Variants in PITPNM2 observed in about 807,000 individuals in gnomAD.
PITPNM2 encodes the protein membrane-associated phosphatidylinositol transfer protein 2.
A neutral mutation model predicts 132.2 loss-of-function variants in PITPNM2; 35 were observed. The ratio of observed to expected loss-of-function variants is 0.26; its 90% CI spans 0.20 to 0.35. The LOEUF (loss-of-function observed/expected upper bound fraction) is 0.35. PITPNM2 is among the 10% of genes least tolerant of loss of function. The probability of loss-of-function intolerance (pLI) is 1.00; values close to 1 mark genes in which losing one functional copy is unlikely to be tolerated. For missense variants in PITPNM2, 1,332 were observed against 1,912.0 expected (o/e 0.70, Z 5.66); for synonymous variants, 738 against 799.2 (o/e 0.92, Z 1.29).
At position 123,150,427 on chromosome 12, in the gene PITPNM2, C is replaced by T. The variant is rs2043707853; in HGVS notation, c.-200+326G>A. Among the ~76,000 whole-genome samples, 1 of 151,922 alleles carries T rather than the reference C, an allele frequency of 6.6e-6. No homozygotes were observed. Among genetic ancestry groups the T allele is most frequent in the Admixed American group, 6.5e-5 (1 of 15,284 alleles). On this transcript the variant is annotated intron_variant, in intron 1 of 25. Transcript: ENST00000320201. The surrounding 1 kb of genome is among the most constrained non-coding windows in gnomAD (Gnocchi z 6.0). The stretch of plus-strand genomic sequence containing the variant: ...ACTGCCCACGCCTGCCCCCCGACCG[C>T]TATGACACTTGTCCCTGGCGGGGGT...
At chr12:123,021,153 G>A (rs1412875463) in intron 3 of PITPNM2, among the ~76,000 whole-genome samples, 2 of 151,478 alleles carry the variant, frequency 1.3e-5, no homozygotes, top group Non-Finnish European at 2.9e-5. Flanking sequence ...CCATGCCCCT[G>A]CGCAGCCACC....
chr12:123,015,132 T>C (rs1314340244), intron 3 of PITPNM2, among the ~76,000 whole-genome samples: 2 of 152,212 alleles, frequency 1.3e-5, no homozygotes, highest in African/African-American at 4.8e-5. Context: ...ACAGATATAA[T>C]GCGATCTTTA....
rs377138893 is a variant in PITPNM2, at chr12:122,997,570, G to A, written c.1227C>T (p.Asp409=). Reference sequence around the variant, plus strand: ...GTGCAGCCAGCGGCTGGCTAACCTCGTCCTGCATGGGTTGGGGGACAGTGT... The same window carrying A: ...GTGCAGCCAGCGGCTGGCTAACCTCATCCTGCATGGGTTGGGGGACAGTGT... The part of the protein sequence containing the change: ...SSVEQLNIIE[D]EVSQPLAAPP... The change falls in exon 11 of 26, where the codon GAC becomes GAT. Residue 409 remains aspartate (D), a splice_region_variant and synonymous_variant. Transcript: ENST00000320201. 2.9e-5 allele frequency: 47 copies of A among 1,610,256 alleles called. No individual in the cohort carries two copies. Among genetic ancestry groups the A allele is most frequent in the Admixed American group, 2.2e-4 (13 of 59,966 alleles).
chr12:122,986,684 G>A lies in PITPNM2; in HGVS notation c.3559C>T (p.Arg1187Trp). The part of the protein sequence containing the change: ...FCDGLVHDPL[R>W]HKANFLKLLI... ...AGCTTCAGGAAGTTGGCCTTGTGCC[G>A]CAGCGGGTCATGCACCAGGCCGTCA... Residue 1187 changes from arginine (R) to tryptophan (W), a missense_variant, in exon 24 of 26, where the codon CGG (arginine) becomes TGG (tryptophan). Arg to Trp is a moderately radical substitution (Grantham distance 101). Coordinates refer to ENST00000320201, the MANE Select transcript of PITPNM2 (RefSeq NM_020845.3). The A allele has an allele frequency of 1.2e-6, 2 of 1,613,378 alleles. No homozygotes were observed. The highest frequency in any genetic ancestry group is 1.7e-6 in the Non-Finnish European group (2 of 1,179,950).
At chr12:123,001,960 G>A (rs1471273484) in intron 8 of PITPNM2, among the ~76,000 whole-genome samples, 1 of 151,896 alleles carries the variant, frequency 6.6e-6, no homozygotes, top group Non-Finnish European at 1.5e-5. Flanking sequence ...GAACCTGGGT[G>A]GCGGAGGTTG....
chr12:123,016,438 C>T (rs755928281), intron 3 of PITPNM2, among the ~76,000 whole-genome samples: 8 of 151,660 alleles, frequency 5.3e-5, no homozygotes, highest in Non-Finnish European at 1.0e-4. Flanking sequence ...GCCTCAGCCT[C>T]CCAAATAGCT....
rs2041121110 is a variant in PITPNM2, at chr12:123,058,546, C to G, written c.-95-23861G>C. Reference sequence around the variant, plus strand: ...CACCCACAGCCTCTCCAGGGCCTCTCTCACTCCACCATTCACCTGCTGTTC... The same window carrying G: ...CACCCACAGCCTCTCCAGGGCCTCTGTCACTCCACCATTCACCTGCTGTTC... On this transcript the variant is annotated intron_variant, in intron 2 of 25. Transcript: ENST00000320201. The surrounding 1 kb of genome is among the most constrained non-coding windows in gnomAD (Gnocchi z 4.0). Among the ~76,000 whole-genome samples, 2 of 152,234 alleles carry G rather than the reference C, an allele frequency of 1.3e-5. No homozygotes were observed. The highest frequency in any genetic ancestry group is 4.8e-5 in the African/African-American group (2 of 41,466).
At chr12:123,016,298 C>T (rs1330674559) in intron 3 of PITPNM2, among the ~76,000 whole-genome samples, 2 of 151,156 alleles carry the variant, frequency 1.3e-5, no homozygotes, top group Non-Finnish European at 3.0e-5. Context: ...TGCAGTCCAG[C>T]CTGGGTGACA....
chr12:123,096,458 A>C (rs1167883068), intron 2 of PITPNM2, among the ~76,000 whole-genome samples: 1 of 152,208 alleles, frequency 6.6e-6, no homozygotes, highest in Non-Finnish European at 1.5e-5. Context: ...TGTCTTGGGC[A>C]TGCGTTCTGT....
chr12:122,992,518 A>G lies in PITPNM2; in HGVS notation c.2385T>C (p.Asp795=), dbSNP rs777088301. The change falls in exon 16 of 26, where the codon GAT becomes GAC. Residue 795 remains aspartate, a synonymous_variant. Transcript: ENST00000320201. The surrounding 1 kb of genome is among the most constrained non-coding windows in gnomAD (Gnocchi z 6.5). ...TCTCACCCAGCAGCGTGGAGCAGCC[A>G]TCCCCCAGCGGGTAGCGTTGGTAGC... The part of the protein sequence containing the change: ...VPRYQRYPLG[D]GCSTLLADVL... The G allele has an allele frequency of 6.2e-7, 1 of 1,610,862 alleles. No homozygotes were observed. Among genetic ancestry groups the G allele is most frequent in the Non-Finnish European group, 8.5e-7 (1 of 1,179,446 alleles).
chr12:123,067,657 G>T (rs983419787), intron 2 of PITPNM2, among the ~76,000 whole-genome samples: 2 of 152,232 alleles, frequency 1.3e-5, no homozygotes, highest in African/African-American at 4.8e-5. Flanking sequence ...TTCAGAGGGA[G>T]TGTGGTCCTG....
At chr12:123,137,166 G>A (rs945852520) in intron 1 of PITPNM2, among the ~76,000 whole-genome samples, 4 of 152,182 alleles carry the variant, frequency 2.6e-5, no homozygotes, top group African/African-American at 7.2e-5. Context: ...GAGCACCAAA[G>A]AGGCGGACCA....
At chr12:123,105,064 C>A (rs2042672538) in intron 2 of PITPNM2, among the ~76,000 whole-genome samples, 1 of 152,114 alleles carries the variant, frequency 6.6e-6, no homozygotes, top group Non-Finnish European at 1.5e-5. Context: ...TCACTCACTC[C>A]AGTTTCCTGA....
chr12:123,063,062 G>T (rs189817488), intron 2 of PITPNM2, among the ~76,000 whole-genome samples: 13 of 152,254 alleles, frequency 8.5e-5, no homozygotes, highest in African/African-American at 2.4e-4. Flanking sequence ...GGGCACATAG[G>T]TCCACAAGGA....
chr12:123,009,700 G>A lies in PITPNM2; in HGVS notation c.643+150C>T. The A allele has an allele frequency of 2.8e-6, 2 of 720,474 alleles. No homozygotes were observed. The highest frequency in any genetic ancestry group is 1.7e-5 in the South Asian group (1 of 57,828). The allele number at this position is 720,474 out of a possible 1,614,324, so 44.6% of individuals were successfully genotyped here. A position where few individuals can be genotyped will look rare whatever the true frequency, so the allele number is the denominator to read the frequency against. ...ATGGCTGGCGGGTAGTGGGGAAGCT[G>A]GACATGGGCTTTGGTGTCACCTTCC... is the stretch of plus-strand genomic sequence containing the variant. On this transcript the variant is annotated intron_variant, in intron 6 of 25. Coordinates refer to ENST00000320201, the MANE Select transcript of PITPNM2 (RefSeq NM_020845.3). The surrounding 1 kb of genome is among the most constrained non-coding windows in gnomAD (Gnocchi z 4.8).
At chr12:123,047,795 T>C (rs931558518) in intron 2 of PITPNM2, among the ~76,000 whole-genome samples, 11 of 151,074 alleles carry the variant, frequency 7.3e-5, no homozygotes, top group Non-Finnish European at 1.5e-5. Context: ...GAAACACTAT[T>C]TAGCCTCAAA....
At position 123,005,474 on chromosome 12, in the gene PITPNM2, C is replaced by T; in HGVS notation, c.718G>A (p.Glu240Lys). ...TCCTTCTCCAGCTCCCGGATGTTCT[C>T]CATGCTCAGCCCATACCACTCGTCC... The part of the protein sequence containing the change: ...WQDEWYGLSM[E>K]NIRELEKEAQ... The change falls in exon 7 of 26, where the codon GAG becomes AAG. Residue 240 changes from glutamate to lysine, a missense_variant. Transcript: ENST00000320201. This position sits in a 1 kb window ranked among gnomAD's most constrained non-coding sequence, Gnocchi z 6.2. 1 of 1,614,092 alleles carries T rather than the reference C, an allele frequency of 6.2e-7. No individual in the cohort carries two copies. Among genetic ancestry groups the T allele is most frequent in the South Asian group, 1.1e-5 (1 of 91,082 alleles).
At chr12:122,988,383 A>T in intron 19 of PITPNM2, 33 bp from the exon 20 acceptor site, 2 of 1,584,162 alleles carry the variant, frequency 1.3e-6, no homozygotes, top group Non-Finnish European at 1.7e-6. Context: ...GCTGTGGGGC[A>T]GATGCCACCC....
chr12:123,103,601 G>A (rs1424775508), intron 2 of PITPNM2, among the ~76,000 whole-genome samples: 1 of 152,200 alleles, frequency 6.6e-6, no homozygotes, highest in Non-Finnish European at 1.5e-5. Context: ...GGACCCTGGG[G>A]CCAGCCCTTC....
Sources: gnomAD v4.1 joint callset for allele counts (sites outside exome capture counted in the v4.1 genomes callset) on GRCh38, gnomAD v4.1.1 for gene constraint, Gnocchi (gnomAD v3.1) non-coding constraint, MANE v1.5 for transcripts, NCBI Gene and HGNC (gene_info 2026-07-23, HGNC 2026-07-21) for gene names.